WNT7A: variants seen among roughly 807,000 people sequenced by gnomAD.
The protein encoded by WNT7A is Wnt family member 7A.
In WNT7A, 16 loss-of-function variants were observed where a neutral mutation model predicts 28.2. The observed-to-expected ratio is 0.57, with a 90% confidence interval of 0.38 to 0.86. The LOEUF (loss-of-function observed/expected upper bound fraction) is 0.86. WNT7A is among the 40% of genes least tolerant of loss of function. WNT7A has a pLI of 0.00. For synonymous variants in WNT7A, 190 were observed against 195.9 expected (o/e 0.97, Z 0.25); for missense variants, 411 against 489.7 (o/e 0.84, Z 1.52).
chr3:13,854,777 C>T lies in WNT7A; in HGVS notation c.325G>A (p.Ala109Thr), dbSNP rs104893832. The T allele has an allele frequency of 3.1e-6, 5 of 1,613,394 alleles. No homozygotes were observed. Among genetic ancestry groups the T allele is most frequent in the East Asian group, 2.2e-5 (1 of 44,862 alleles). The change falls in exon 3 of 4, where the codon GCC becomes ACC. Residue 109 changes from alanine (A) to threonine (T), a missense_variant. Ala to Thr is a moderately conservative substitution (Grantham distance 58). Transcript: ENST00000285018. ...TGGGCCACGCCGGCGGCAATGATGG[C>T]GTAGGTGAACGCAGCCTCCCGGCTC... is the stretch of plus-strand genomic sequence containing the variant. ...VGSREAAFTYAIIAAGVAHAI... is the reference protein window; with the variant it reads ...VGSREAAFTYTIIAAGVAHAI...
At chr3:13,877,460 G>A (rs1695127591) in intron 1 of WNT7A, among the ~76,000 whole-genome samples, 1 of 152,204 alleles carries the variant, frequency 6.6e-6, no homozygotes, top group East Asian at 1.9e-4. Flanking sequence ...TCATTTGTCA[G>A]GAGGACCCTC....
intron 3 of WNT7A, 56 bp downstream of exon 3, chr3:13,854,476 A>T: frequency 6.2e-7 from 1 of 1,611,874 alleles, no homozygotes; most frequent in South Asian, 1.1e-5. Context: ...GTTACAAACA[A>T]GCCATTTTGC....
chr3:13,871,052 T>G (rs1161744993), intron 2 of WNT7A, among the ~76,000 whole-genome samples: 1 of 152,234 alleles, frequency 6.6e-6, no homozygotes. Context: ...AGAGTCCAGC[T>G]GGTCTCATGT....
chr3:13,819,702 C>G (rs1384810602), intron 3 of WNT7A, among the ~76,000 whole-genome samples: 1 of 152,150 alleles, frequency 6.6e-6, no homozygotes, highest in Non-Finnish European at 1.5e-5. Context: ...CAATACTATA[C>G]AGCAAGGAGA....
intron 2 of WNT7A, among the ~76,000 whole-genome samples, chr3:13,857,572 A>C (rs555061697): frequency 1.2e-4 from 19 of 152,254 alleles, no homozygotes; most frequent in African/African-American, 3.9e-4. Context: ...GCTCAAATAT[A>C]TCCCCCTGCA....
In WNT7A at chr3:13,816,523, T is replaced by A. The variant is rs1344549573; in HGVS notation, c.*2421A>T. ...GGGAGGCTGGTCAGAATCTCCCCCA[T>A]TCCCAGGTGCCAAGGAGGTCAGAAG... On this transcript the variant is annotated 3_prime_UTR_variant, in exon 4 of 4. Transcript: ENST00000285018. 1.3e-5 allele frequency: 2 copies of A among 152,352 alleles called. No homozygotes were observed. Among genetic ancestry groups the A allele is most frequent in the African/African-American group, 4.8e-5 (2 of 41,430 alleles). 9.4% of individuals were successfully genotyped at this position (152,352 alleles called of 1,614,324 possible).
intron 3 of WNT7A, among the ~76,000 whole-genome samples, chr3:13,842,875 T>C (rs1004465856): frequency 1.3e-5 from 2 of 152,154 alleles, no homozygotes; most frequent in African/African-American, 2.4e-5. Flanking sequence ...GAGACTGGAC[T>C]TTATGGACAA....
At chr3:13,823,316 G>C (rs1451174416) in intron 3 of WNT7A, among the ~76,000 whole-genome samples, 1 of 152,200 alleles carries the variant, frequency 6.6e-6, no homozygotes, top group East Asian at 1.9e-4. Context: ...TTCAGGCTCA[G>C]GCTCTAAGAT....
intron 2 of WNT7A, 135 bp from the exon 3 acceptor site, chr3:13,854,938 C>A: frequency 8.3e-7 from 1 of 1,204,690 alleles, no homozygotes; most frequent in Non-Finnish European, 1.2e-6. Context: ...CCGTTCCTAA[C>A]TTCCAACAAA....
intron 3 of WNT7A, among the ~76,000 whole-genome samples, chr3:13,854,115 G>C (rs371845368): frequency 6.6e-6 from 1 of 151,960 alleles, no homozygotes; most frequent in Admixed American, 6.5e-5. Flanking sequence ...GTGAGGCTCT[G>C]ACACACAGGA....
chr3:13,834,555 C>T (rs1034221141), intron 3 of WNT7A, among the ~76,000 whole-genome samples: 1 of 152,018 alleles, frequency 6.6e-6, no homozygotes, highest in African/African-American at 2.4e-5. Flanking sequence ...ATCTCCTATG[C>T]CCTCATTCAC....
intron 2 of WNT7A, among the ~76,000 whole-genome samples, chr3:13,874,156 C>T (rs55994237): frequency 0.011 from 1,652 of 152,238 alleles, 31 homozygotes; most frequent in African/African-American, 0.037. Context: ...CAAGGCTGAC[C>T]TGGCTTTCAG....
chr3:13,833,598 T>A (rs544614604), intron 3 of WNT7A, among the ~76,000 whole-genome samples: 2 of 152,206 alleles, frequency 1.3e-5, no homozygotes, highest in African/African-American at 4.8e-5. Flanking sequence ...TGCCTCTCTC[T>A]CATAAGTGAC....
chr3:13,846,159 A>G (rs1396763599), intron 3 of WNT7A, among the ~76,000 whole-genome samples: 1 of 152,264 alleles, frequency 6.6e-6, no homozygotes, highest in African/African-American at 2.4e-5. Flanking sequence ...TGACCAGAGT[A>G]GGAGAGGATG....
At chr3:13,847,315 C>A (rs1272880124) in intron 3 of WNT7A, among the ~76,000 whole-genome samples, 1 of 152,216 alleles carries the variant, frequency 6.6e-6, no homozygotes, top group Non-Finnish European at 1.5e-5. Flanking sequence ...CCTACCTCAG[C>A]CTCTCATCCA....
chr3:13,878,676 T>C (rs929451347), intron 1 of WNT7A, among the ~76,000 whole-genome samples: 1 of 151,998 alleles, frequency 6.6e-6, no homozygotes, highest in Non-Finnish European at 1.5e-5. Context: ...GCCACGCACA[T>C]CCCCTCGCCG....
At chr3:13,848,551 T>A (rs1191169840) in intron 3 of WNT7A, among the ~76,000 whole-genome samples, 2 of 152,132 alleles carry the variant, frequency 1.3e-5, no homozygotes, top group Admixed American at 1.3e-4. Context: ...TCTATCAGAA[T>A]GGCAAAAAAA....
At chr3:13,843,477 C>A (rs1694494013) in intron 3 of WNT7A, among the ~76,000 whole-genome samples, 2 of 152,218 alleles carry the variant, frequency 1.3e-5, no homozygotes, top group African/African-American at 4.8e-5. Context: ...CTGATCGGAG[C>A]TCTTTCCACA....
chr3:13,869,463 AAG>A (rs750592135), intron 2 of WNT7A, among the ~76,000 whole-genome samples: 11 of 147,340 alleles, frequency 7.5e-5, no homozygotes, highest in Middle Eastern at 3.5e-3. Flanking sequence ...GAAAGACAGA[AAG>A]AAAGAAAGGG....
Sources: allele counts gnomAD v4.1 joint callset (sites outside exome capture counted in the v4.1 genomes callset), GRCh38; gene constraint gnomAD v4.1.1; transcripts MANE v1.5; gene names NCBI Gene and HGNC (gene_info 2026-07-23, HGNC 2026-07-21).